The following PDZD2 variants were observed in gnomAD, a reference collection of about 807,000 sequenced individuals.
PDZD2 encodes the protein PDZ domain-containing protein 2.
In PDZD2, 90 loss-of-function variants were observed where a neutral mutation model predicts 220.7. That is an observed-to-expected ratio of 0.41 (90% confidence interval 0.34 to 0.49). The LOEUF (loss-of-function observed/expected upper bound fraction) is 0.49, where lower values mean the gene tolerates loss of function less well. Among genes scored for constraint, PDZD2 ranks in the 20% least tolerant of loss-of-function variants. The pLI, the probability that PDZD2 is intolerant of heterozygous loss-of-function variation, is 0.28. For missense variants in PDZD2, 3,174 were observed against 3,608.5 expected (o/e 0.88, Z 3.08); for synonymous variants, 1,375 against 1,450.5 (o/e 0.95, Z 1.18).
intron 2 of PDZD2, among the ~76,000 whole-genome samples, chr5:31,858,073 G>A (rs1758616327): frequency 6.6e-6 from 1 of 151,856 alleles, no homozygotes; most frequent in Non-Finnish European, 1.5e-5. Flanking sequence ...TGATCTGCCC[G>A]TCTTGGCCTC....
At chr5:31,941,652 G>C (rs1265382694) in intron 2 of PDZD2, among the ~76,000 whole-genome samples, 1 of 152,166 alleles carries the variant, frequency 6.6e-6, no homozygotes, top group Non-Finnish European at 1.5e-5. Context: ...GGCGTTTGAG[G>C]ATGTTATTGG....
Position 32,089,764 on chromosome 5 carries a change from G to A in PDZD2, c.6316G>A (p.Gly2106Ser), listed in dbSNP as rs141299108. 71 of 1,614,172 alleles carry A rather than the reference G, an allele frequency of 4.4e-5. 1 individual carries two copies. In the East Asian group the frequency reaches 5.3e-4, roughly 12 times the overall value. Reference protein sequence around the residue: ...SAEAVSETVCGNKPAESDRRG... With the variant: ...SAEAVSETVCSNKPAESDRRG... The stretch of plus-strand genomic sequence containing the variant: ...TGAAGCAGTGTCAGAGACTGTATGT[G>A]GTAACAAGCCAGCTGAAAGCGACAG... The change falls in exon 20 of 25, where the codon GGT becomes AGT. Residue 2106 changes from glycine to serine, a missense_variant. Around this residue, in one of 4 missense-constraint regions of PDZD2, gnomAD observed 1,861 missense variants for 2,001.0 expected, o/e 0.93. Coordinates refer to ENST00000438447, the MANE Select transcript of PDZD2 (RefSeq NM_178140.4).
At chr5:31,653,046 G>C (rs1413736134) in intron 1 of PDZD2, among the ~76,000 whole-genome samples, 2 of 151,874 alleles carry the variant, frequency 1.3e-5, no homozygotes, top group Non-Finnish European at 2.9e-5. Flanking sequence ...AAAAAAACAC[G>C]GTGAGCCTCC....
At chr5:31,710,275 G>T (rs1748027608) in intron 1 of PDZD2, among the ~76,000 whole-genome samples, 1 of 152,160 alleles carries the variant, frequency 6.6e-6, no homozygotes, top group South Asian at 2.1e-4. Context: ...CTGTCACATG[G>T]GTGACAGTTT....
intron 2 of PDZD2, among the ~76,000 whole-genome samples, chr5:31,953,271 G>C (rs1747346045): frequency 6.6e-6 from 1 of 152,038 alleles, no homozygotes; most frequent in African/African-American, 2.4e-5. Flanking sequence ...GAAGATGAAA[G>C]ACAGTCTGTT....
chr5:31,879,599 C>G (rs1739676210), intron 2 of PDZD2, among the ~76,000 whole-genome samples: 1 of 152,200 alleles, frequency 6.6e-6, no homozygotes, highest in South Asian at 2.1e-4. Flanking sequence ...AAGAGGCAAA[C>G]TCAGTTTGTC....
chr5:32,008,866 C>T (rs1189397032), intron 5 of PDZD2, among the ~76,000 whole-genome samples: 2 of 152,276 alleles, frequency 1.3e-5, no homozygotes, highest in Admixed American at 1.3e-4. Flanking sequence ...GGTGTTCAAG[C>T]CTTGCCCGCG....
Position 32,101,421 on chromosome 5 carries a change from A to G in PDZD2, c.8353+182A>G, listed in dbSNP as rs112863417. 9.8e-3 allele frequency among the ~76,000 whole-genome samples: 1,498 copies of G among 152,288 alleles called. 32 individuals carry two copies. Among genetic ancestry groups the G allele is most frequent in the African/African-American group, 0.034 (1,410 of 41,566 alleles). On this transcript the variant is annotated intron_variant, in intron 24 of 24. Transcript: ENST00000438447. ...CTCATGCCATCCACGTGGCAACTCT[A>G]TTGGGTGGGTGTCATCATTATCCCT...
At chr5:31,777,394 C>G (rs1477372287) in intron 1 of PDZD2, among the ~76,000 whole-genome samples, 1 of 152,212 alleles carries the variant, frequency 6.6e-6, no homozygotes, top group South Asian at 2.1e-4. Flanking sequence ...CTCCCCTCGC[C>G]CCACCCCACC....
Position 31,780,963 on chromosome 5 carries a change from G to T in PDZD2, c.-360-17926G>T, listed in dbSNP as rs140990180. 1.2e-4 allele frequency among the ~76,000 whole-genome samples: 18 copies of T among 152,324 alleles called. No individual in the cohort carries two copies. The South Asian group carries it at 3.7e-3, about 32-fold the overall frequency. On this transcript the variant is annotated intron_variant, in intron 1 of 24. Coordinates refer to ENST00000438447, the MANE Select transcript of PDZD2 (RefSeq NM_178140.4). ...CATTCTCCAGAAGATTCTAGAAGGC[G>T]TCACCTCATGTCTCATTTCCCAGTG...
chr5:31,642,852 T>C (rs1745001186), intron 1 of PDZD2, among the ~76,000 whole-genome samples: 1 of 152,100 alleles, frequency 6.6e-6, no homozygotes, highest in Non-Finnish European at 1.5e-5. Context: ...AGCTGGGGCC[T>C]GGAGGAAAGG....
At chr5:32,097,448 C>T (rs1279117164) in intron 22 of PDZD2, 68 bp downstream of exon 22, 1 of 919,756 alleles carries the variant, frequency 1.1e-6, no homozygotes, top group African/African-American at 1.6e-5. Flanking sequence ...GTGATCAGGG[C>T]ACAAATTCCA....
chr5:31,643,229 C>T (rs1382914414), intron 1 of PDZD2, among the ~76,000 whole-genome samples: 2 of 152,194 alleles, frequency 1.3e-5, no homozygotes, highest in Non-Finnish European at 2.9e-5. Flanking sequence ...ATGGAGAAGG[C>T]AGGAGTTTTT....
chr5:31,693,489 C>T (rs1747233159), intron 1 of PDZD2, among the ~76,000 whole-genome samples: 1 of 152,090 alleles, frequency 6.6e-6, no homozygotes, highest in Non-Finnish European at 1.5e-5. Context: ...ATCTGCCCAC[C>T]TCGGCCTTCC....
Position 32,088,266 on chromosome 5 carries a change from C to T in PDZD2, c.4818C>T (p.Gly1606=). The T allele has an allele frequency of 6.2e-7, 1 of 1,614,150 alleles. No homozygotes were observed. Among genetic ancestry groups the T allele is most frequent in the South Asian group, 1.1e-5 (1 of 91,086 alleles). Residue 1606 remains glycine (G), a synonymous_variant, in exon 20 of 25, where the codon GGC becomes GGT. Coordinates refer to ENST00000438447, the MANE Select transcript of PDZD2 (RefSeq NM_178140.4). The surrounding 1 kb of genome is among the most constrained non-coding windows in gnomAD (Gnocchi z 4.6). The part of the protein sequence containing the change: ...EEQIEICSTR[G]CPNPPSSPAH... Reference sequence around the variant, plus strand: ...AGATTGAGATTTGTTCCACACGTGGCTGCCCCAATCCACCCTCGAGTCCTG... The same window carrying T: ...AGATTGAGATTTGTTCCACACGTGGTTGCCCCAATCCACCCTCGAGTCCTG...
chr5:31,730,592 G>T (rs4994125), intron 1 of PDZD2, among the ~76,000 whole-genome samples: 29,469 of 120,484 alleles, frequency 0.24, 3,359 homozygotes, highest in East Asian at 0.33. Context: ...GTGTGTGTGT[G>T]GTGTGTGTGT....
chr5:31,790,691 AT>A (rs869296191), intron 1 of PDZD2, among the ~76,000 whole-genome samples: 2,273 of 75,202 alleles, frequency 0.03, 15 homozygotes, highest in African/African-American at 0.062. Context: ...TATCTCTCTA[AT>A]TTTTTTTTTT....
chr5:31,727,281 G>GT (rs1749205171), intron 1 of PDZD2, among the ~76,000 whole-genome samples: 1 of 152,200 alleles, frequency 6.6e-6, no homozygotes, highest in Non-Finnish European at 1.5e-5. Flanking sequence ...GACTTGGACT[G>GT]TATTTCTTCA....
intron 15 of PDZD2, among the ~76,000 whole-genome samples, chr5:32,070,509 C>T (rs995281037): frequency 3.3e-5 from 5 of 152,178 alleles, no homozygotes; most frequent in African/African-American, 1.2e-4. Context: ...TCCTCATGCC[C>T]AAAGTCCCTT....
Sources: allele counts gnomAD v4.1 joint callset (sites outside exome capture counted in the v4.1 genomes callset), GRCh38; gene constraint gnomAD v4.1.1; regional missense constraint gnomAD v4.1.1; non-coding constraint Gnocchi (gnomAD v3.1); transcripts MANE v1.5; gene names NCBI Gene and HGNC (gene_info 2026-07-23, HGNC 2026-07-21).